The following HFM1 variants were observed in gnomAD, a reference collection of about 807,000 sequenced individuals.
The protein encoded by HFM1 is helicase for meiosis 1.
Under a neutral mutation model 192.1 loss-of-function variants are expected in HFM1, and 169 were observed. That is an observed-to-expected ratio of 0.88 (90% CI 0.78 to 1.00). HFM1 has a LOEUF of 1.00. HFM1 is among the 50% of genes least tolerant of loss of function. The pLI, the probability that HFM1 is intolerant of heterozygous loss-of-function variation, is 0.00. For missense variants in HFM1, 1,661 were observed against 1,668.0 expected (o/e 1.00, Z 0.07); for synonymous variants, 525 against 537.8 (o/e 0.98, Z 0.33).
intron 32 of HFM1, among the ~76,000 whole-genome samples, chr1:91,275,665 T>C (rs1223259108): frequency 6.6e-6 from 1 of 152,170 alleles, no homozygotes; most frequent in African/African-American, 2.4e-5. Flanking sequence ...TTATAACCAA[T>C]GAAGTAGCAA....
intron 30 of HFM1, among the ~76,000 whole-genome samples, chr1:91,283,798 T>TA (rs1667682211): frequency 6.6e-6 from 1 of 152,112 alleles, no homozygotes; most frequent in Admixed American, 6.5e-5. Flanking sequence ...GTCACTTCTT[T>TA]AAAAAAAGAA....
At chr1:91,286,921 T>G (rs1332331712) in intron 30 of HFM1, among the ~76,000 whole-genome samples, 1 of 152,082 alleles carries the variant, frequency 6.6e-6, no homozygotes, top group Non-Finnish European at 1.5e-5. Context: ...GAAAATTGGG[T>G]CACTCCCACC....
At chr1:91,298,553 C>A (rs148410505) in intron 30 of HFM1, among the ~76,000 whole-genome samples, 3,333 of 152,242 alleles carry the variant, frequency 0.022, 45 homozygotes, top group Non-Finnish European at 0.035. Flanking sequence ...TTGGGTTACC[C>A]ACAAAGGGAA....
chr1:91,264,817 G>A (rs1473885814), intron 36 of HFM1, among the ~76,000 whole-genome samples: 2 of 152,024 alleles, frequency 1.3e-5, no homozygotes, highest in Admixed American at 6.6e-5. Flanking sequence ...ATTTCCCAAT[G>A]CATTTTGCAT....
intron 10 of HFM1, 109 bp from the exon 11 acceptor site, chr1:91,378,292 C>T (rs1661151358): frequency 8.1e-7 from 1 of 1,234,130 alleles, no homozygotes; most frequent in South Asian, 1.4e-5. Context: ...TGAGCATTTT[C>T]CACTTGAAGG....
rs1663340273 is a variant in HFM1 at position 91,394,112 on chromosome 1, TGC to T, written c.473_474del (p.Ser158AsnfsTer10). On this transcript the variant is annotated frameshift_variant, in exon 4 of 39. Coordinates refer to ENST00000370425, the MANE Select transcript of HFM1 (RefSeq NM_001017975.6). LOFTEE classifies it high-confidence loss of function. ...AATTACCTTTTCCGGAATACTGATG[TGC>T]TCTCTCCTTTATCTTCTGCAAAATT... ...LVNFAEDKGE[S>X]TSVFRKRLFK... 1 of 1,569,830 alleles carries T rather than the reference TGC, an allele frequency of 6.4e-7. No homozygotes were observed. Among genetic ancestry groups the T allele is most frequent in the African/African-American group, 1.4e-5 (1 of 73,784 alleles).
At chr1:91,275,246 G>T (rs538838751) in intron 32 of HFM1, among the ~76,000 whole-genome samples, 18 of 152,248 alleles carry the variant, frequency 1.2e-4, no homozygotes, top group Non-Finnish European at 2.1e-4. Context: ...GCCTCCCAAA[G>T]TGCTGGGATT....
chr1:91,313,938 A>AT lies in HFM1; in HGVS notation c.3244+18dup, dbSNP rs1253645664. 7.7e-7 allele frequency: 1 copy of AT among 1,292,794 alleles called. No homozygotes were observed. Among genetic ancestry groups the AT allele is most frequent in the East Asian group, 2.3e-5 (1 of 42,928 alleles). 80.1% of individuals were successfully genotyped at this position (1,292,794 alleles called of 1,614,324 possible). On this transcript the variant is annotated intron_variant, in intron 29 of 38. Coordinates refer to ENST00000370425, the MANE Select transcript of HFM1 (RefSeq NM_001017975.6). ...TTATATTATTTATATTCATGTCTTC[A>AT]TTACTTCAATTAACTTACCAAATTC... is the stretch of plus-strand genomic sequence containing the variant.
At chr1:91,305,622 G>A (rs933697953) in intron 30 of HFM1, among the ~76,000 whole-genome samples, 9 of 151,684 alleles carry the variant, frequency 5.9e-5, no homozygotes, top group Non-Finnish European at 1.2e-4. Flanking sequence ...GGCTGGAGTG[G>A]AGTGGTGTAA....
At chr1:91,407,137 T>G (rs1571268289), upstream of HFM1, among the ~76,000 whole-genome samples, 2 of 152,110 alleles carry the variant, frequency 1.3e-5, no homozygotes, top group Non-Finnish European at 2.9e-5. Context: ...TACCCAAAAC[T>G]TTTTCATTAT....
intron 30 of HFM1, among the ~76,000 whole-genome samples, chr1:91,305,036 T>C (rs1343756767): frequency 6.6e-6 from 1 of 152,238 alleles, no homozygotes; most frequent in Non-Finnish European, 1.5e-5. Context: ...ATGTCTATTA[T>C]TATGACAGCA....
At chr1:91,323,239 T>TTTTTA in intron 21 of HFM1, 40 bp from the exon 22 acceptor site, 1 of 1,062,908 alleles carries the variant, frequency 9.4e-7, no homozygotes. Context: ...TGAAGTCTAT[T>TTTTTA]TTTTATTTCC....
intron 30 of HFM1, among the ~76,000 whole-genome samples, chr1:91,295,330 T>A (rs1488586187): frequency 6.6e-6 from 1 of 152,212 alleles, no homozygotes; most frequent in Non-Finnish European, 1.5e-5. Flanking sequence ...TGAAATTTAT[T>A]GTTTCACAAT....
At chr1:91,386,062 A>G (rs1159063431) in intron 4 of HFM1, among the ~76,000 whole-genome samples, 2 of 152,210 alleles carry the variant, frequency 1.3e-5, no homozygotes, top group Non-Finnish European at 2.9e-5. Flanking sequence ...ATCCTCCAAA[A>G]CAGCCCAATG....
chr1:91,369,088 G>C (rs1352576477), intron 13 of HFM1, among the ~76,000 whole-genome samples: 1 of 152,102 alleles, frequency 6.6e-6, no homozygotes, highest in Non-Finnish European at 1.5e-5. Flanking sequence ...GGAGCACCCA[G>C]ATTCATAAAG....
chr1:91,343,306 G>T, intron 20 of HFM1, 124 bp downstream of exon 20: 128 of 338,470 alleles, frequency 3.8e-4, no homozygotes, highest in East Asian at 1.6e-3. Context: ...TAATAATGAT[G>T]ATACCCTGTT....
chr1:91,323,334 C>T lies in HFM1; in HGVS notation c.2428-135G>A, dbSNP rs1430763381. The T allele has an allele frequency of 8.5e-6, 5 of 591,338 alleles. No individual in the cohort carries two copies. In the African/African-American group the frequency reaches 9.7e-5, roughly 11 times the overall value. The allele number at this position is 591,338 out of a possible 1,614,324, so 36.6% of individuals were successfully genotyped here. On this transcript the variant is annotated intron_variant, in intron 21 of 38. Coordinates refer to ENST00000370425, the MANE Select transcript of HFM1 (RefSeq NM_001017975.6). ...TCAATGAACATAACAGAGTTAAAAA[C>T]CTGCTTTATACATTTTGCTTCTTTA... is the stretch of plus-strand genomic sequence containing the variant.
intron 20 of HFM1, among the ~76,000 whole-genome samples, chr1:91,329,738 C>T (rs936690878): frequency 5.9e-5 from 9 of 152,284 alleles, no homozygotes; most frequent in African/African-American, 2.2e-4. Flanking sequence ...ATATGTCAGG[C>T]TCAAACCACT....
chr1:91,291,848 C>G (rs1436597315), intron 30 of HFM1, among the ~76,000 whole-genome samples: 1 of 151,936 alleles, frequency 6.6e-6, no homozygotes, highest in African/African-American at 2.4e-5. Flanking sequence ...AAAAAGCTTA[C>G]CCACCATGAT....
Sources: gnomAD v4.1 joint callset for allele counts (sites outside exome capture counted in the v4.1 genomes callset) on GRCh38, gnomAD v4.1.1 for gene constraint, MANE v1.5 for transcripts, NCBI Gene and HGNC (gene_info 2026-07-23, HGNC 2026-07-21) for gene names.